The following DMD variants were observed in gnomAD, a reference collection of about 807,000 sequenced individuals.
DMD encodes the protein mutant dystrophin.
A neutral mutation model predicts 330.1 loss-of-function variants in DMD; 63 were observed. The ratio of observed to expected loss-of-function variants is 0.19; its 90% CI spans 0.16 to 0.24. DMD has a LOEUF of 0.24. Ranked by LOEUF, DMD falls within the 10% of genes least tolerant of loss-of-function variation. The probability of loss-of-function intolerance (pLI) is 1.00; values close to 1 mark genes in which losing one functional copy is unlikely to be tolerated. For synonymous variants in DMD, 1,223 were observed against 959.8 expected (o/e 1.27, Z -5.07); for missense variants, 3,344 against 2,684.1 (o/e 1.25, Z -5.43).
intron 19 of DMD, among the ~76,000 whole-genome samples, chrX:32,495,693 G>C (rs758305786): frequency 4.4e-4 from 49 of 111,695 alleles, no homozygotes; most frequent in Non-Finnish European, 7.3e-4. Flanking sequence ...GTAAATATTT[G>C]CATATGGATT....
intron 56 of DMD, among the ~76,000 whole-genome samples, 198 bp from the exon 57 acceptor site, chrX:31,497,142 A>G (rs1237264018): frequency 3.6e-5 from 4 of 112,585 alleles, no homozygotes. Flanking sequence ...GTGTTTAGCC[A>G]TATGTTTATT....
intron 1 of DMD, among the ~76,000 whole-genome samples, chrX:33,313,528 G>A (rs2053881313): frequency 9.0e-6 from 1 of 111,379 alleles, no homozygotes; most frequent in Non-Finnish European, 1.9e-5. Context: ...TTTTTTACAT[G>A]CTCAATCTAC....
intron 44 of DMD, among the ~76,000 whole-genome samples, chrX:32,047,547 T>C (rs771746081): frequency 5.4e-5 from 6 of 111,564 alleles, no homozygotes; most frequent in Non-Finnish European, 1.1e-4. Flanking sequence ...AATAAAAACA[T>C]ATATATTTAA....
upstream of DMD, among the ~76,000 whole-genome samples, chrX:33,214,461 A>G (rs1026360772): frequency 9.0e-6 from 1 of 111,395 alleles, no homozygotes; most frequent in East Asian, 2.8e-4. Flanking sequence ...CATAGTACAT[A>G]TGTCCAATAT....
chrX:31,341,396 T>C (rs1370620183), intron 61 of DMD, among the ~76,000 whole-genome samples: 1 of 111,578 alleles, frequency 9.0e-6, no homozygotes, highest in Non-Finnish European at 1.9e-5. Flanking sequence ...ATTTTAAAGA[T>C]GAAGAATAAA....
chrX:31,732,738 A>T (rs1197624685), intron 51 of DMD, among the ~76,000 whole-genome samples: 5 of 111,084 alleles, frequency 4.5e-5, no homozygotes, highest in Non-Finnish European at 9.5e-5. Context: ...CCCCTACCAG[A>T]TGTTACTCTC....
At chrX:32,254,122 A>T (rs1393423818) in intron 43 of DMD, among the ~76,000 whole-genome samples, 1 of 110,724 alleles carries the variant, frequency 9.0e-6, no homozygotes, top group African/African-American at 3.3e-5. Context: ...GCTCACTGCA[A>T]CCTCCGCCTC....
In DMD at chrX:31,836,768, A is replaced by C; in HGVS notation, c.7150T>G (p.Ser2384Ala). The C allele has an allele frequency of 8.3e-7, 1 of 1,211,938 alleles. No individual in the cohort carries two copies. The highest frequency in any genetic ancestry group is 1.1e-6 in the Non-Finnish European group (1 of 895,508). Residue 2384 changes from serine (S) to alanine (A), a missense_variant, in exon 49 of 79, where the codon TCT (serine) becomes GCT (alanine). Ser to Ala is a moderately conservative substitution (Grantham distance 99). Coordinates refer to ENST00000357033, the MANE Select transcript of DMD (RefSeq NM_004006.3). Reference sequence around the variant, plus strand: ...TCCTTGTACAAATGCTGCCCTTTAGACAAAATCTCTTCCACATCCGGTTGT... The same window carrying C: ...TCCTTGTACAAATGCTGCCCTTTAGCCAAAATCTCTTCCACATCCGGTTGT... Reference protein sequence around the residue: ...AKQPDVEEILSKGQHLYKEKP... With the variant: ...AKQPDVEEILAKGQHLYKEKP...
At position 32,120,752 on chromosome X, in the gene DMD, A is replaced by G. The variant is rs73456138; in HGVS notation, c.6438+96164T>C. The stretch of plus-strand genomic sequence containing the variant: ...ACAAATTCAGTTGGGATTATTTACA[A>G]CTTCCAGGGTTACTTGCAATTGTAT... On this transcript the variant is annotated intron_variant, in intron 44 of 78. Transcript: ENST00000357033. Among the ~76,000 whole-genome samples the G allele has an allele frequency of 5.4e-3, 602 of 112,105 alleles. 2 individuals are homozygous for G. The highest frequency in any genetic ancestry group is 0.019 in the African/African-American group (575 of 30,849).
intron 77 of DMD, 55 bp from the exon 78 acceptor site, chrX:31,126,728 G>C: frequency 3.4e-6 from 3 of 894,528 alleles, no homozygotes; most frequent in Non-Finnish European, 4.8e-6. Flanking sequence ...AAAAAAACAT[G>C]CATAAATATA....
intron 47 of DMD, among the ~76,000 whole-genome samples, chrX:31,908,041 T>C (rs960806093): frequency 2.7e-5 from 3 of 111,732 alleles, no homozygotes; most frequent in African/African-American, 9.8e-5. Flanking sequence ...GTTAGAATGG[T>C]GATCATTAAA....
chrX:32,726,806 A>T (rs1189490114), intron 7 of DMD, among the ~76,000 whole-genome samples: 2 of 110,902 alleles, frequency 1.8e-5, no homozygotes, highest in Non-Finnish European at 3.8e-5. Flanking sequence ...TAATTATCAC[A>T]TATTCAAAGA....
intron 60 of DMD, among the ~76,000 whole-genome samples, chrX:31,379,067 A>G (rs1268413209): frequency 9.3e-6 from 1 of 107,145 alleles, no homozygotes; most frequent in African/African-American, 3.4e-5. Flanking sequence ...TCCCAATGCA[A>G]CTCCTTCCAA....
intron 29 of DMD, among the ~76,000 whole-genome samples, chrX:32,417,233 C>T (rs1241977377): frequency 9.0e-6 from 1 of 111,705 alleles, no homozygotes; most frequent in Non-Finnish European, 1.9e-5. Context: ...AAAACTGGCC[C>T]TGCCTTTGTT....
chrX:32,407,919 A>T (rs1428356043), intron 30 of DMD, among the ~76,000 whole-genome samples: 2 of 97,477 alleles, frequency 2.1e-5, no homozygotes, highest in Non-Finnish European at 4.1e-5. Context: ...TGGGAATTGA[A>T]CAATGAGAAC....
Position 32,970,922 on chromosome X carries a change from C to CT in DMD, c.93+49216dup, listed in dbSNP as rs1483778725. On this transcript the variant is annotated intron_variant, in intron 2 of 78. Coordinates refer to ENST00000357033, the MANE Select transcript of DMD (RefSeq NM_004006.3). Reference sequence around the variant, plus strand: ...ATTTTCTATTACTTTTCTATATTCACTTTTTTCCTATTATTTACTGGGTTT... The same window carrying CT: ...ATTTTCTATTACTTTTCTATATTCACTTTTTTTCCTATTATTTACTGGGTTT... Among the ~76,000 whole-genome samples, 5 of 100,587 alleles carry CT rather than the reference C, an allele frequency of 5.0e-5. 2 individuals carry two copies. Among genetic ancestry groups the CT allele is most frequent in the African/African-American group, 2.0e-4 (5 of 25,138 alleles). The allele number at this position is 100,587 out of a possible 115,157, so 87.3% of individuals were successfully genotyped here.
At chrX:32,252,597 T>TAA (rs2097268018) in intron 43 of DMD, among the ~76,000 whole-genome samples, 1 of 41,603 alleles carries the variant, frequency 2.4e-5, no homozygotes, top group East Asian at 1.9e-3. Context: ...TATATATATA[T>TAA]ATAAACATAT....
intron 43 of DMD, among the ~76,000 whole-genome samples, chrX:32,227,163 G>A (rs936788458): frequency 4.5e-4 from 45 of 100,749 alleles, no homozygotes; most frequent in Non-Finnish European, 7.4e-4. Context: ...AGAATATGTG[G>A]AGATATATCT....
At chrX:32,076,846 T>C (rs2096356100) in intron 44 of DMD, among the ~76,000 whole-genome samples, 1 of 111,292 alleles carries the variant, frequency 9.0e-6, no homozygotes, top group Non-Finnish European at 1.9e-5. Context: ...GAGATTCTGA[T>C]GGAGGGGTTC....
Sources: gnomAD v4.1 joint callset for allele counts (sites outside exome capture counted in the v4.1 genomes callset) on GRCh38, gnomAD v4.1.1 for gene constraint, MANE v1.5 for transcripts, NCBI Gene and HGNC (gene_info 2026-07-23, HGNC 2026-07-21) for gene names.